Variants in CLSTN2 observed in about 807,000 individuals in gnomAD.
CLSTN2 encodes calsyntenin-2.
Under a neutral mutation model 101.2 loss-of-function variants are expected in CLSTN2, and 48 were observed. That is an observed-to-expected ratio of 0.47 (90% CI 0.38 to 0.60). The LOEUF is 0.60. CLSTN2 is among the 20% of genes least tolerant of loss of function. The pLI, the probability that CLSTN2 is intolerant of heterozygous loss-of-function variation, is 0.00. For synonymous variants in CLSTN2, 481 were observed against 463.6 expected, an observed-to-expected ratio of 1.04 and a Z score of -0.48; for missense variants, 1,160 against 1,238.2, an observed-to-expected ratio of 0.94 and a Z score of 0.95.
chr3:140,570,658 G>C lies in CLSTN2; in HGVS notation c.*4405G>C, dbSNP rs1416009769. The C allele has an allele frequency of 6.6e-6, 1 of 152,090 alleles. No homozygotes were observed. The highest frequency in any genetic ancestry group is 6.6e-5 in the Admixed American group (1 of 15,258). 9.4% of individuals were successfully genotyped at this position (152,090 alleles called of 1,614,324 possible). A position where few individuals can be genotyped will look rare whatever the true frequency, so the allele number is the denominator to read the frequency against. ...ACAATTTAAAAACACTAAAAAAGCA[G>C]GCAGTTTGGATTTATGTAATTTTCA... is the stretch of plus-strand genomic sequence containing the variant. On this transcript the variant is annotated 3_prime_UTR_variant, in exon 17 of 17. Transcript: ENST00000458420.
intron 1 of CLSTN2, among the ~76,000 whole-genome samples, chr3:139,963,634 C>T (rs1560055660): frequency 6.6e-6 from 1 of 152,164 alleles, no homozygotes. Context: ...GCCTTAGAGT[C>T]ACTCATCACA....
Position 140,232,440 on chromosome 3 carries a change from C to G in CLSTN2, c.232+56367C>G, listed in dbSNP as rs140400426. On this transcript the variant is annotated intron_variant, in intron 2 of 16. Coordinates refer to ENST00000458420, the MANE Select transcript of CLSTN2 (RefSeq NM_022131.3). ...CATGGTTTCCCTACTCTGCCCATCT[C>G]TCCCCAGGGGTCCCCTTGGACTCTC... Among the ~76,000 whole-genome samples the G allele has an allele frequency of 3.3e-5, 5 of 152,232 alleles. No homozygotes were observed. In the East Asian group the frequency reaches 9.7e-4, roughly 29 times the overall value.
At chr3:140,125,848 A>G (rs889922609) in intron 1 of CLSTN2, among the ~76,000 whole-genome samples, 3 of 152,162 alleles carry the variant, frequency 2.0e-5, no homozygotes, top group African/African-American at 7.2e-5. Flanking sequence ...GGGGTGAAGC[A>G]GTTTTGGAAA....
At chr3:140,092,457 A>G (rs1158852439) in intron 1 of CLSTN2, among the ~76,000 whole-genome samples, 1 of 152,148 alleles carries the variant, frequency 6.6e-6, no homozygotes, top group Non-Finnish European at 1.5e-5. Context: ...GGAGGCTTAG[A>G]GTGGGGTGTG....
chr3:140,126,449 G>C (rs12233427), intron 1 of CLSTN2, among the ~76,000 whole-genome samples: 68,988 of 151,884 alleles, frequency 0.45, 16,724 homozygotes, highest in Admixed American at 0.57. Context: ...TCCTAGAAGA[G>C]TTTTGCACAT....
intron 4 of CLSTN2, among the ~76,000 whole-genome samples, chr3:140,418,513 C>CTTTTTTTT (rs1051422077): frequency 4.7e-5 from 2 of 42,126 alleles, no homozygotes; most frequent in Admixed American, 2.0e-4. Context: ...TTCTTTCTTT[C>CTTTTTTTT]TTTCTTTTTT....
At chr3:140,242,583 C>T (rs1418058994) in intron 2 of CLSTN2, among the ~76,000 whole-genome samples, 1 of 152,108 alleles carries the variant, frequency 6.6e-6, no homozygotes, top group Admixed American at 6.5e-5. Flanking sequence ...CTACTTTTTC[C>T]ACTTGGTTGG....
intron 1 of CLSTN2, among the ~76,000 whole-genome samples, chr3:140,133,455 C>A (rs1576439439): frequency 6.6e-6 from 1 of 152,292 alleles, no homozygotes; most frequent in East Asian, 1.9e-4. Context: ...TCTCCATGCT[C>A]AGGTTACTTG....
At chr3:140,085,321 C>T (rs1247315986) in intron 1 of CLSTN2, among the ~76,000 whole-genome samples, 33 of 152,192 alleles carry the variant, frequency 2.2e-4, no homozygotes, top group Non-Finnish European at 8.8e-5. Flanking sequence ...ATGAGAGAGC[C>T]TCATTTTCTT....
chr3:140,241,302 A>G (rs1559816562), intron 2 of CLSTN2, among the ~76,000 whole-genome samples: 2 of 152,134 alleles, frequency 1.3e-5, no homozygotes, highest in African/African-American at 2.4e-5. Context: ...CTCTTGTCCA[A>G]TATTCTAAGG....
intron 2 of CLSTN2, among the ~76,000 whole-genome samples, chr3:140,324,689 C>G (rs1280647611): frequency 6.6e-6 from 1 of 152,198 alleles, no homozygotes; most frequent in Non-Finnish European, 1.5e-5. Context: ...AGAATGCCCT[C>G]TTGACATGAA....
At chr3:140,461,343 T>A (rs537910146) in intron 7 of CLSTN2, 9 of 152,336 alleles carry the variant, frequency 5.9e-5, no homozygotes, top group African/African-American at 2.2e-4. Context: ...ATTCCCATCA[T>A]AATCCAGGAG....
At chr3:140,518,005 C>T (rs1576608605) in intron 8 of CLSTN2, among the ~76,000 whole-genome samples, 1 of 152,146 alleles carries the variant, frequency 6.6e-6, no homozygotes, top group Non-Finnish European at 1.5e-5. Context: ...CTGTGGCTGC[C>T]TTGGGGGATG....
At chr3:140,214,537 G>A (rs2010898242) in intron 2 of CLSTN2, among the ~76,000 whole-genome samples, 1 of 152,072 alleles carries the variant, frequency 6.6e-6, no homozygotes, top group African/African-American at 2.4e-5. Context: ...GCTTCAAAAT[G>A]TCCCAGGGAC....
intron 1 of CLSTN2, among the ~76,000 whole-genome samples, chr3:140,138,019 C>T (rs2009641118): frequency 3.3e-5 from 5 of 152,134 alleles, no homozygotes; most frequent in South Asian, 4.1e-4. Flanking sequence ...CACATATTCA[C>T]GTGCAGAACC....
At chr3:140,215,455 C>A (rs1576470093) in intron 2 of CLSTN2, among the ~76,000 whole-genome samples, 1 of 152,100 alleles carries the variant, frequency 6.6e-6, no homozygotes, top group East Asian at 1.9e-4. Context: ...CCTTTTTTCC[C>A]ATGATAGTTG....
intron 1 of CLSTN2, among the ~76,000 whole-genome samples, chr3:140,063,477 T>C (rs1413133925): frequency 6.6e-6 from 1 of 152,172 alleles, no homozygotes; most frequent in Non-Finnish European, 1.5e-5. Flanking sequence ...ACCTGCCACA[T>C]GTAAAGCTTT....
chr3:140,333,212 C>T (rs1420845827), intron 2 of CLSTN2, among the ~76,000 whole-genome samples: 2 of 152,180 alleles, frequency 1.3e-5, no homozygotes, highest in Non-Finnish European at 2.9e-5. Context: ...GCATCATCCA[C>T]CTCCTTCATC....
chr3:139,981,633 A>G (rs1935923569), intron 1 of CLSTN2, among the ~76,000 whole-genome samples: 2 of 152,240 alleles, frequency 1.3e-5, no homozygotes, highest in South Asian at 4.1e-4. Flanking sequence ...AGGAACAAAA[A>G]GAGTTCAGGC....
Sources: allele counts gnomAD v4.1 joint callset (sites outside exome capture counted in the v4.1 genomes callset), GRCh38; gene constraint gnomAD v4.1.1; transcripts MANE v1.5; gene names NCBI Gene and HGNC (gene_info 2026-07-23, HGNC 2026-07-21).